UMAD1: variants seen among roughly 807,000 people sequenced by gnomAD.
The protein encoded by UMAD1 is UBAP1-MVB12-associated (UMA)-domain containing protein 1.
UMAD1 carries 8 observed loss-of-function variants against 6.1 expected under a neutral mutation model. The ratio of observed to expected loss-of-function variants is 1.30; its 90% confidence interval spans 0.76 to 2.35. UMAD1 has a LOEUF of 2.35. UMAD1 is among the 30% of genes most tolerant of loss of function. UMAD1 has a pLI of 0.00. For synonymous variants in UMAD1, 56 were observed against 31.4 expected (o/e 1.78, Z -2.61); for missense variants, 130 against 78.4 (o/e 1.66, Z -2.49).
chr7:7,806,751 T>TA (rs1169019685), intron 3 of UMAD1, among the ~76,000 whole-genome samples: 2 of 152,168 alleles, frequency 1.3e-5, no homozygotes, highest in Non-Finnish European at 2.9e-5. Flanking sequence ...TAAATATATA[T>TA]ATACATCTGA....
At chr7:7,825,901 T>C (rs1783330550) in intron 3 of UMAD1, among the ~76,000 whole-genome samples, 2 of 152,150 alleles carry the variant, frequency 1.3e-5, no homozygotes, top group Non-Finnish European at 2.9e-5. Flanking sequence ...GTCTCAGGTA[T>C]AAAATGGGCA....
intron 2 of UMAD1, among the ~76,000 whole-genome samples, chr7:7,758,820 C>T (rs1781829717): frequency 6.6e-6 from 1 of 152,174 alleles, no homozygotes. Flanking sequence ...TTTATCCTTT[C>T]TCCGAGTGGT....
At chr7:7,840,815 G>T (rs1315392009) in intron 3 of UMAD1, among the ~76,000 whole-genome samples, 1 of 152,088 alleles carries the variant, frequency 6.6e-6, no homozygotes, top group Non-Finnish European at 1.5e-5. Context: ...TCCTAATAAA[G>T]TTTGGCAAAA....
chr7:7,671,381 C>T (rs549270482), intron 1 of UMAD1, among the ~76,000 whole-genome samples: 3 of 152,242 alleles, frequency 2.0e-5, no homozygotes, highest in African/African-American at 4.8e-5. Context: ...TTTTCTGAAC[C>T]GTTTTATCCC....
At chr7:7,787,988 C>T (rs1481420928) in intron 2 of UMAD1, among the ~76,000 whole-genome samples, 1 of 152,168 alleles carries the variant, frequency 6.6e-6, no homozygotes, top group Non-Finnish European at 1.5e-5. Flanking sequence ...AGACTATTGC[C>T]ACCCTCTCTT....
intron 2 of UMAD1, among the ~76,000 whole-genome samples, chr7:7,769,954 C>G (rs974016648): frequency 4.6e-5 from 7 of 152,196 alleles, no homozygotes; most frequent in African/African-American, 1.4e-4. Context: ...TGCTGATTGT[C>G]TCTGGTACAG....
intron 2 of UMAD1, among the ~76,000 whole-genome samples, chr7:7,769,651 G>A (rs762719606): frequency 2.0e-5 from 3 of 152,168 alleles, no homozygotes; most frequent in Non-Finnish European, 4.4e-5. Flanking sequence ...GAAGACAGAG[G>A]GAAGGAGAGG....
intron 1 of UMAD1, among the ~76,000 whole-genome samples, chr7:7,643,017 T>G (rs1191310149): frequency 2.0e-5 from 3 of 152,224 alleles, no homozygotes; most frequent in Non-Finnish European, 4.4e-5. Context: ...GATCATATTT[T>G]TTTTTCTGTT....
At chr7:7,833,590 C>T (rs905722472) in intron 3 of UMAD1, among the ~76,000 whole-genome samples, 2 of 152,020 alleles carry the variant, frequency 1.3e-5, no homozygotes, top group East Asian at 1.9e-4. Flanking sequence ...TGTCAGGAAG[C>T]GGGCAGATTT....
intron 3 of UMAD1, among the ~76,000 whole-genome samples, chr7:7,814,809 G>T (rs1215239296): frequency 6.6e-6 from 1 of 152,116 alleles, no homozygotes; most frequent in African/African-American, 2.4e-5. Flanking sequence ...CCATGCCTCA[G>T]GTGGAGTATG....
intron 2 of UMAD1, among the ~76,000 whole-genome samples, chr7:7,725,928 CTCT>C (rs1466481001): frequency 6.6e-6 from 1 of 152,228 alleles, no homozygotes; most frequent in Middle Eastern, 3.2e-3. Context: ...GTACTACAGC[CTCT>C]TCTTAGGACA....
chr7:7,801,477 G>A (rs1025288755), intron 2 of UMAD1, among the ~76,000 whole-genome samples, 193 bp from the exon 3 acceptor site: 1 of 152,200 alleles, frequency 6.6e-6, no homozygotes, highest in South Asian at 2.1e-4. Context: ...ATGTATTTAT[G>A]AATGATATAT....
intron 3 of UMAD1, among the ~76,000 whole-genome samples, chr7:7,846,328 GT>G (rs1287901677): frequency 6.6e-6 from 1 of 152,072 alleles, no homozygotes; most frequent in Non-Finnish European, 1.5e-5. Context: ...GTCTTCTCCT[GT>G]TCCCTAGAAA....
intron 1 of UMAD1, among the ~76,000 whole-genome samples, chr7:7,669,162 G>C (rs1267270808): frequency 6.6e-6 from 1 of 151,814 alleles, no homozygotes; most frequent in Non-Finnish European, 1.5e-5. Flanking sequence ...AAAACATACT[G>C]TATATAGGGT....
At chr7:7,833,470 T>C (rs1192896609) in intron 3 of UMAD1, among the ~76,000 whole-genome samples, 1 of 152,150 alleles carries the variant, frequency 6.6e-6, no homozygotes, top group African/African-American at 2.4e-5. Context: ...GAACAAGCTG[T>C]AGACATAAGA....
At chr7:7,865,699 A>C (rs987255612) in intron 3 of UMAD1, among the ~76,000 whole-genome samples, 1 of 152,154 alleles carries the variant, frequency 6.6e-6, no homozygotes, top group African/African-American at 2.4e-5. Flanking sequence ...GTTCATGTCC[A>C]TTGTCCCCAA....
At position 7,879,174 on chromosome 7, in the gene UMAD1, A is replaced by G. The variant is rs1214687427; in HGVS notation, c.*1636A>G. On this transcript the variant is annotated 3_prime_UTR_variant, in exon 4 of 4. Coordinates refer to ENST00000682710, the MANE Select transcript of UMAD1 (RefSeq NM_001302348.2). ...TGTCTATAAAAAATGTTATATTTAA[A>G]TAAATGTGAATTAAAATAAAATTTT... 1 of 152,208 alleles carries G rather than the reference A, an allele frequency of 6.6e-6. No homozygotes were observed. The highest frequency in any genetic ancestry group is 1.5e-5 in the Non-Finnish European group (1 of 68,022). The allele number at this position is 152,208 out of a possible 1,614,324, so 9.4% of individuals were successfully genotyped here.
chr7:7,781,474 A>G (rs908891777), intron 2 of UMAD1, among the ~76,000 whole-genome samples: 1 of 152,028 alleles, frequency 6.6e-6, no homozygotes, highest in Non-Finnish European at 1.5e-5. Flanking sequence ...ATTAATGTGG[A>G]AAAAAATGTC....
At chr7:7,767,334 C>A (rs939348983) in intron 2 of UMAD1, among the ~76,000 whole-genome samples, 14 of 151,938 alleles carry the variant, frequency 9.2e-5, no homozygotes, top group Admixed American at 3.9e-4. Flanking sequence ...ACCATGTTAG[C>A]CAGGATGGTC....
Sources: allele counts gnomAD v4.1 joint callset (sites outside exome capture counted in the v4.1 genomes callset), GRCh38; gene constraint gnomAD v4.1.1; transcripts MANE v1.5; gene names NCBI Gene and HGNC (gene_info 2026-07-23, HGNC 2026-07-21).